DDC: variants seen among roughly 807,000 people sequenced by gnomAD.
The protein encoded by DDC is dopa decarboxylase, also known as aromatic-L-amino-acid decarboxylase.
A neutral mutation model predicts 60.0 loss-of-function variants in DDC; 43 were observed. The ratio of observed to expected loss-of-function variants is 0.72; its 90% confidence interval spans 0.56 to 0.92. The LOEUF (loss-of-function observed/expected upper bound fraction) is 0.92, where lower values mean the gene tolerates loss of function less well. Among genes scored for constraint, DDC ranks in the 40% least tolerant of loss-of-function variants. The pLI, the probability that DDC is intolerant of heterozygous loss-of-function variation, is 0.00. For missense variants in DDC, 573 were observed against 620.2 expected (o/e 0.92, Z 0.81); for synonymous variants, 232 against 234.6 (o/e 0.99, Z 0.10).
At chr7:50,467,679 T>G (rs1273365393) in intron 12 of DDC, among the ~76,000 whole-genome samples, 1 of 152,204 alleles carries the variant, frequency 6.6e-6, no homozygotes, top group East Asian at 1.9e-4. Context: ...GTGCTTGAGG[T>G]GCCAGCGCTC....
At chr7:50,474,938 T>C (rs1468119484) in intron 11 of DDC, among the ~76,000 whole-genome samples, 1 of 152,234 alleles carries the variant, frequency 6.6e-6, no homozygotes, top group Non-Finnish European at 1.5e-5. Context: ...GAAAGCTGGA[T>C]GTGCCAGATG....
chr7:50,515,186 C>G (rs1253235007), intron 6 of DDC, among the ~76,000 whole-genome samples: 1 of 152,158 alleles, frequency 6.6e-6, no homozygotes, highest in Non-Finnish European at 1.5e-5. Context: ...ACAAAGAAAA[C>G]CTATCAGATT....
At chr7:50,465,165 G>C (rs765506889) in intron 13 of DDC, among the ~76,000 whole-genome samples, 14 of 152,180 alleles carry the variant, frequency 9.2e-5, no homozygotes, top group Admixed American at 6.5e-5. Context: ...GAAGAAAACA[G>C]TCATAAAAGG....
chr7:50,536,406 C>G (rs966614461), intron 4 of DDC, among the ~76,000 whole-genome samples: 6 of 152,184 alleles, frequency 3.9e-5, no homozygotes, highest in Non-Finnish European at 8.8e-5. Flanking sequence ...ATCACAGGCA[C>G]GCATCCTTAA....
chr7:50,492,419 C>T (rs918458099), intron 9 of DDC, among the ~76,000 whole-genome samples: 12 of 152,206 alleles, frequency 7.9e-5, no homozygotes, highest in African/African-American at 2.9e-4. Flanking sequence ...TCACCAAATT[C>T]TTTGACTCTT....
At chr7:50,472,297 G>A (rs993376434) in intron 11 of DDC, among the ~76,000 whole-genome samples, 3 of 152,138 alleles carry the variant, frequency 2.0e-5, no homozygotes, top group Non-Finnish European at 2.9e-5. Context: ...GTTGATGGAC[G>A]TACTTAAATA....
chr7:50,525,711 C>T (rs2044018850), intron 6 of DDC, among the ~76,000 whole-genome samples: 1 of 151,854 alleles, frequency 6.6e-6, no homozygotes, highest in African/African-American at 2.4e-5. Flanking sequence ...TTGCAGTGAG[C>T]CAAGATTGCA....
At chr7:50,509,403 C>T (rs1440416558) in intron 6 of DDC, among the ~76,000 whole-genome samples, 3 of 152,134 alleles carry the variant, frequency 2.0e-5, no homozygotes, top group East Asian at 1.9e-4. Flanking sequence ...TCTTCTCTTT[C>T]GTGCTTCTGC....
chr7:50,472,047 T>C (rs2153534675), intron 11 of DDC, among the ~76,000 whole-genome samples: 1 of 152,316 alleles, frequency 6.6e-6, no homozygotes, highest in South Asian at 2.1e-4. Flanking sequence ...CTCACTCAAA[T>C]GTGGCTCCAA....
At chr7:50,501,748 C>A (rs2043262146) in intron 7 of DDC, among the ~76,000 whole-genome samples, 1 of 152,072 alleles carries the variant, frequency 6.6e-6, no homozygotes, top group Non-Finnish European at 1.5e-5. Flanking sequence ...TAAGGTACCA[C>A]CAACAGTTAG....
At chr7:50,466,782 C>G (rs548483778) in intron 13 of DDC, among the ~76,000 whole-genome samples, 34 of 152,354 alleles carry the variant, frequency 2.2e-4, no homozygotes, top group African/African-American at 7.0e-4. Context: ...GCGCAGCCAG[C>G]AGCTCTAGGG....
At chr7:50,484,569 C>T (rs1562993751) in intron 9 of DDC, among the ~76,000 whole-genome samples, 1 of 152,100 alleles carries the variant, frequency 6.6e-6, no homozygotes, top group Non-Finnish European at 1.5e-5. Context: ...ACTAAATTTG[C>T]ATTTCTTGTT....
At chr7:50,467,039 G>A (rs190764033) in intron 13 of DDC, among the ~76,000 whole-genome samples, 175 bp downstream of exon 13, 41 of 152,356 alleles carry the variant, frequency 2.7e-4, no homozygotes, top group African/African-American at 7.2e-4. Flanking sequence ...GCCGCTGTGC[G>A]TGGAAACAAG....
chr7:50,558,602 G>A (rs764357761), intron 1 of DDC, among the ~76,000 whole-genome samples: 1 of 152,120 alleles, frequency 6.6e-6, no homozygotes, highest in East Asian at 1.9e-4. Context: ...CACTGAACAC[G>A]CTCACAACAC....
At chr7:50,501,851 A>G (rs1585192881) in intron 7 of DDC, among the ~76,000 whole-genome samples, 1 of 152,316 alleles carries the variant, frequency 6.6e-6, no homozygotes, top group South Asian at 2.1e-4. Context: ...AGGCGGGCAT[A>G]TCATCTGAGG....
At chr7:50,480,657 C>T (rs1444807896) in intron 9 of DDC, among the ~76,000 whole-genome samples, 1 of 152,178 alleles carries the variant, frequency 6.6e-6, no homozygotes, top group East Asian at 1.9e-4. Flanking sequence ...GTTTAGGACA[C>T]CCAGCTGGTG....
intron 11 of DDC, among the ~76,000 whole-genome samples, chr7:50,471,761 C>T (rs938359630): frequency 1.3e-5 from 2 of 152,172 alleles, no homozygotes; most frequent in African/African-American, 4.8e-5. Flanking sequence ...TGTTTGCAAG[C>T]TGTTGGGCTG....
intron 10 of DDC, 107 bp downstream of exon 10, chr7:50,479,680 G>T: frequency 1.0e-6 from 1 of 973,110 alleles, no homozygotes; most frequent in Non-Finnish European, 1.7e-6. Context: ...CTCTGTGAAA[G>T]CCTCCTTGGA....
At chr7:50,559,584 C>A (rs1222052727) in intron 1 of DDC, among the ~76,000 whole-genome samples, 1 of 152,156 alleles carries the variant, frequency 6.6e-6, no homozygotes, top group Non-Finnish European at 1.5e-5. Flanking sequence ...CGCACAACCA[C>A]GCCTGTCTAA....
Sources: allele counts gnomAD v4.1 joint callset (sites outside exome capture counted in the v4.1 genomes callset), GRCh38; gene constraint gnomAD v4.1.1; transcripts MANE v1.5; gene names NCBI Gene and HGNC (gene_info 2026-07-23, HGNC 2026-07-21).